ZNF536: variants seen among roughly 807,000 people sequenced by gnomAD.
ZNF536 encodes zinc finger protein 536.
ZNF536 carries 13 observed loss-of-function variants against 84.5 expected under a neutral mutation model. That is an observed-to-expected ratio of 0.15 (90% confidence interval 0.10 to 0.24). The LOEUF (loss-of-function observed/expected upper bound fraction) is 0.24, where lower values mean the gene tolerates loss of function less well. Ranked by LOEUF, ZNF536 falls within the 10% of genes least tolerant of loss-of-function variation. The pLI is 1.00. For synonymous variants in ZNF536, 811 were observed against 742.5 expected (o/e 1.09, Z -1.50); for missense variants, 1,536 against 1,747.5 (o/e 0.88, Z 2.16).
At chr19:30,701,312 C>T (rs968756461) in intron 1 of ZNF536, among the ~76,000 whole-genome samples, 12 of 151,518 alleles carry the variant, frequency 7.9e-5, no homozygotes, top group Non-Finnish European at 1.3e-4. Context: ...CAAACACACA[C>T]AGACACACAC....
At position 30,548,140 on chromosome 19, in the gene ZNF536, G is replaced by C. The variant is rs200595340; in HGVS notation, c.2521G>C (p.Ala841Pro). The part of the protein sequence containing the change: ...LFIRPDILRG[A>P]FKGLPGIDFR... ...CATCAGGCCAGACATCCTGAGGGGG[G>C]CCTTCAAGGGTCTCCCTGGAATCGA... is the stretch of plus-strand genomic sequence containing the variant. The change falls in exon 4 of 5, where the codon GCC becomes CCC. Residue 841 changes from alanine to proline, a missense_variant. Transcript: ENST00000355537. 1 of 1,614,036 alleles carries C rather than the reference G, an allele frequency of 6.2e-7. No homozygotes were observed. The highest frequency in any genetic ancestry group is 8.5e-7 in the Non-Finnish European group (1 of 1,179,962).
intron 4 of ZNF536, among the ~76,000 whole-genome samples, chr19:30,551,287 A>G (rs1206631295): frequency 4.6e-5 from 7 of 151,984 alleles, no homozygotes; most frequent in African/African-American, 7.3e-5. Flanking sequence ...TAATTTTCCC[A>G]TCTTCCTATC....
chr19:30,427,010 C>T (rs182984419), intron 1 of ZNF536, among the ~76,000 whole-genome samples: 2 of 152,288 alleles, frequency 1.3e-5, no homozygotes, highest in Admixed American at 1.3e-4. Flanking sequence ...CATCCAACAT[C>T]CATCTGACAC....
intron 1 of ZNF536, among the ~76,000 whole-genome samples, chr19:30,606,170 T>TAAATAAAATAAAATA (rs11454529): frequency 2.3e-4 from 23 of 101,634 alleles, no homozygotes; most frequent in Admixed American, 8.3e-4. Context: ...TAAAATAAAA[T>TAAATAAAATAAAATA]AAATAAAATA....
rs575924112 is a variant in ZNF536, at chr19:30,469,945, C to T, written c.2170+24213C>T. ...TGCTAGAAACATAATATTTAGCTGA[C>T]GGCAAGGAAGCCAGAGAAATCAGCA... On this transcript the variant is annotated intron_variant, in intron 2 of 4. Transcript: ENST00000355537. 1.9e-3 allele frequency among the ~76,000 whole-genome samples: 283 copies of T among 152,284 alleles called. 2 individuals carry two copies. Among genetic ancestry groups the T allele is most frequent in the African/African-American group, 6.6e-3 (275 of 41,552 alleles).
chr19:30,368,959 G>GCC (rs1415624521), upstream of ZNF536, among the ~76,000 whole-genome samples: 1 of 152,174 alleles, frequency 6.6e-6, no homozygotes, highest in Non-Finnish European at 1.5e-5. Context: ...CTTGTCTGTA[G>GCC]CCCACCTATA....
chr19:30,583,504 G>T (rs2046994413), intron 1 of ZNF536, among the ~76,000 whole-genome samples: 1 of 152,158 alleles, frequency 6.6e-6, no homozygotes, highest in Admixed American at 6.5e-5. Context: ...TGTGCTTTTG[G>T]TGTGTGTGTA....
chr19:30,408,680 GTAAT>G (rs2050361789), intron 1 of ZNF536, among the ~76,000 whole-genome samples: 1 of 152,116 alleles, frequency 6.6e-6, no homozygotes, highest in Non-Finnish European at 1.5e-5. Context: ...TTGGTTGTTA[GTAAT>G]TAGTTATTCA....
At chr19:30,232,683 C>A (rs1162272677) in intron 1 of ZNF536, among the ~76,000 whole-genome samples, 1 of 152,160 alleles carries the variant, frequency 6.6e-6, no homozygotes, top group Non-Finnish European at 1.5e-5. Flanking sequence ...TCTGAGCTTG[C>A]TCGAGGTGGG....
intron 2 of ZNF536, among the ~76,000 whole-genome samples, chr19:30,478,571 C>A (rs1402868969): frequency 6.6e-6 from 1 of 152,120 alleles, no homozygotes; most frequent in Non-Finnish European, 1.5e-5. Flanking sequence ...TATGTGTATA[C>A]CGGGGAATAA....
intron 2 of ZNF536, among the ~76,000 whole-genome samples, chr19:30,496,858 G>A (rs1371865760): frequency 1.3e-5 from 2 of 152,158 alleles, no homozygotes; most frequent in Non-Finnish European, 2.9e-5. Flanking sequence ...TACGAGGGGC[G>A]AGGGGCACTG....
intron 1 of ZNF536, among the ~76,000 whole-genome samples, chr19:30,375,217 C>T (rs952399995): frequency 6.7e-6 from 1 of 148,810 alleles, no homozygotes; most frequent in African/African-American, 2.4e-5. Flanking sequence ...GCGGTAGTGC[C>T]ACCCCGAGGC....
At chr19:30,250,305 T>G (rs2024532688) in intron 1 of ZNF536, among the ~76,000 whole-genome samples, 1 of 152,188 alleles carries the variant, frequency 6.6e-6, no homozygotes, top group Non-Finnish European at 1.5e-5. Context: ...CCCTTTCCCC[T>G]CTTGTTGACG....
At chr19:30,267,433 A>G (rs571814508) in intron 1 of ZNF536, among the ~76,000 whole-genome samples, 1 of 152,318 alleles carries the variant, frequency 6.6e-6, no homozygotes, top group Admixed American at 6.5e-5. Context: ...GATAAAAAGA[A>G]AAGGAGGGGG....
intron 1 of ZNF536, among the ~76,000 whole-genome samples, chr19:30,599,092 T>C (rs2047579760): frequency 8.6e-6 from 1 of 116,156 alleles, no homozygotes; most frequent in Admixed American, 9.1e-5. Flanking sequence ...CTTTCCCTCC[T>C]CTCTCTCTCC....
chr19:30,607,669 C>T (rs1349966054), intron 1 of ZNF536, among the ~76,000 whole-genome samples: 1 of 147,740 alleles, frequency 6.8e-6, no homozygotes, highest in Non-Finnish European at 1.5e-5. Flanking sequence ...CTGCAGTGAG[C>T]TGAGATCATG....
chr19:30,434,406 C>T (rs929337209), intron 1 of ZNF536, among the ~76,000 whole-genome samples: 1 of 152,176 alleles, frequency 6.6e-6, no homozygotes, highest in Non-Finnish European at 1.5e-5. Context: ...AGAGCTTGCC[C>T]ATGGCTGTGG....
chr19:30,383,730 T>TCTTC (rs2049142236), intron 1 of ZNF536, among the ~76,000 whole-genome samples: 2 of 18,094 alleles, frequency 1.1e-4, no homozygotes, highest in African/African-American at 5.4e-4. Flanking sequence ...TTTCTTTCTT[T>TCTTC]CTTTCTTTCT....
intron 1 of ZNF536, among the ~76,000 whole-genome samples, chr19:30,652,122 C>A (rs1481341712): frequency 6.6e-6 from 1 of 152,104 alleles, no homozygotes; most frequent in Admixed American, 6.6e-5. Context: ...CTTTGGAACT[C>A]ATATAAAGTA....
Sources: gnomAD v4.1 joint callset for allele counts (sites outside exome capture counted in the v4.1 genomes callset) on GRCh38, gnomAD v4.1.1 for gene constraint, MANE v1.5 for transcripts, NCBI Gene and HGNC (gene_info 2026-07-23, HGNC 2026-07-21) for gene names.